Variants in ABCA9 observed in about 807,000 individuals in gnomAD.
The protein encoded by ABCA9 is ATP binding cassette subfamily A member 9.
A neutral mutation model predicts 205.3 loss-of-function variants in ABCA9; 183 were observed. The ratio of observed to expected loss-of-function variants is 0.89; its 90% CI spans 0.79 to 1.01. The LOEUF is 1.01. Ranked by LOEUF, ABCA9 falls within the 50% of genes least tolerant of loss-of-function variation. ABCA9 has a pLI of 0.00. For missense variants in ABCA9, 1,805 were observed against 1,912.4 expected (o/e 0.94, Z 1.05); for synonymous variants, 651 against 683.3 (o/e 0.95, Z 0.74).
At chr17:68,999,595 A>G (rs1190306230) in intron 25 of ABCA9, among the ~76,000 whole-genome samples, 1 of 149,138 alleles carries the variant, frequency 6.7e-6, no homozygotes, top group East Asian at 2.0e-4. Context: ...ATACGTGTGC[A>G]TGTGTCTTTA....
intron 4 of ABCA9, 69 bp downstream of exon 4, chr17:69,045,103 A>C (rs1040767053): frequency 7.4e-7 from 1 of 1,342,440 alleles, no homozygotes; most frequent in Non-Finnish European, 1.0e-6. Context: ...CACCTCTGCT[A>C]TCAGGTATGC....
At chr17:68,983,972 C>T (rs556198214) in intron 35 of ABCA9, 84 bp downstream of exon 35, 113 of 1,601,954 alleles carry the variant, frequency 7.1e-5, no homozygotes, top group African/African-American at 2.1e-4. Flanking sequence ...TAGCTCCTCA[C>T]GATGGGTAGC....
chr17:69,012,605 TGGGTACATAGTAGATGTATATATTTATG>T (rs1039235246), intron 22 of ABCA9, among the ~76,000 whole-genome samples: 1 of 152,048 alleles, frequency 6.6e-6, no homozygotes, highest in African/African-American at 2.4e-5. Context: ...TTAAAATTTG[TGGGTACATAGTAGATGTATATATTTATG>T]GGGTACATGA....
chr17:69,017,667 C>T lies in ABCA9; in HGVS notation c.2890G>A (p.Gly964Ser). 1 of 1,612,988 alleles carries T rather than the reference C, an allele frequency of 6.2e-7. No individual in the cohort carries two copies. The highest frequency in any genetic ancestry group is 8.5e-7 in the Non-Finnish European group (1 of 1,179,266). ...PSYNGAIIVS[G>S]DEKDHRFSIA... ...GGAGTCCAGCATACCTTTTCATCAC[C>T]TGACACAATGATAGCACCATTGTAA... Residue 964 changes from glycine to serine, a missense_variant, in exon 21 of 39, where the codon GGT becomes AGT. Coordinates refer to ENST00000340001, the MANE Select transcript of ABCA9 (RefSeq NM_080283.4).
intron 3 of ABCA9, among the ~76,000 whole-genome samples, chr17:69,045,564 A>T (rs2071682782): frequency 6.6e-6 from 1 of 152,064 alleles, no homozygotes; most frequent in African/African-American, 2.4e-5. Context: ...TTCCAAATAA[A>T]TCATTTAAAC....
intron 6 of ABCA9, among the ~76,000 whole-genome samples, chr17:69,040,452 G>C (rs1227871810): frequency 6.6e-6 from 1 of 152,150 alleles, no homozygotes; most frequent in Non-Finnish European, 1.5e-5. Context: ...ACTATCACAG[G>C]AACAGAACAC....
In ABCA9 at chr17:69,011,980, T is replaced by C; in HGVS notation, c.3143A>G (p.Tyr1048Cys). The change falls in exon 23 of 39, where the codon TAC (tyrosine) becomes TGC (cysteine). Residue 1048 changes from tyrosine (Y) to cysteine (C), a missense_variant. Physicochemically the swap from Tyr to Cys is radical, Grantham distance 194 (BLOSUM62 -2). Transcript: ENST00000340001. ...PYIAMSSIGD[Y>C]KKKAHSQLRI... The stretch of plus-strand genomic sequence containing the variant: ...GAAGACTTTAACTCTTCTTACTTTG[T>C]AGTCACCAATGCTGCTCATTGCAAT... 1.2e-6 allele frequency: 2 copies of C among 1,607,324 alleles called. No individual in the cohort carries two copies. The highest frequency in any genetic ancestry group is 1.7e-6 in the Non-Finnish European group (2 of 1,176,508).
In ABCA9 at chr17:69,017,766, G is replaced by A. The variant is rs374862326; in HGVS notation, c.2791C>T (p.His931Tyr). The change falls in exon 21 of 39, where the codon CAT becomes TAT. Residue 931 changes from histidine (H) to tyrosine (Y), a missense_variant. Physicochemically the swap from His to Tyr is moderately conservative, Grantham distance 83. Transcript: ENST00000340001. The stretch of plus-strand genomic sequence containing the variant: ...GCTATGTTCTGTCGCCTCAGTGAAT[G>A]TAAAAAGTTATCAATGGTTGACCCT... ...KTGSTIDNFLHSLRRQNIAIE... is the reference protein window; with the variant it reads ...KTGSTIDNFLYSLRRQNIAIE... The A allele has an allele frequency of 6.1e-5, 98 of 1,612,990 alleles. No individual in the cohort carries two copies. In the East Asian group the frequency reaches 1.8e-3, roughly 30 times the overall value.
Position 69,026,502 on chromosome 17 carries a change from A to G in ABCA9, c.2051-35T>C, listed in dbSNP as rs544062413. On this transcript the variant is annotated intron_variant, in intron 15 of 38. Coordinates refer to ENST00000340001, the MANE Select transcript of ABCA9 (RefSeq NM_080283.4). ...AATAATCAAAAGATAAGTTACATGA[A>G]GGACTTATTTCTTTACTATTCACAA... The G allele has an allele frequency of 3.5e-4, 537 of 1,527,958 alleles. 1 individual carries two copies. Among genetic ancestry groups the G allele is most frequent in the Non-Finnish European group, 1.1e-4 (120 of 1,104,630 alleles). The allele number at this position is 1,527,958 out of a possible 1,614,324, so 94.7% of individuals were successfully genotyped here. A position where few individuals can be genotyped will look rare whatever the true frequency, so the allele number is the denominator to read the frequency against.
chr17:69,060,109 G>A (rs1392922475), intron 1 of ABCA9, among the ~76,000 whole-genome samples: 1 of 152,180 alleles, frequency 6.6e-6, no homozygotes, highest in Non-Finnish European at 1.5e-5. Flanking sequence ...TGTCATGAAT[G>A]TGGTTATTTA....
intron 3 of ABCA9, among the ~76,000 whole-genome samples, chr17:69,046,007 G>A (rs1280245948): frequency 6.6e-6 from 1 of 152,084 alleles, no homozygotes; most frequent in African/African-American, 2.4e-5. Context: ...AATTCCAACG[G>A]TATTGGAAAT....
At chr17:69,013,991 A>ACAT (rs1469737169) in intron 22 of ABCA9, among the ~76,000 whole-genome samples, 1 of 152,164 alleles carries the variant, frequency 6.6e-6, no homozygotes, top group Non-Finnish European at 1.5e-5. Flanking sequence ...TGTAGTGAAG[A>ACAT]CATCTTTTTA....
rs1277858577 is a variant in ABCA9 at position 68,975,921 on chromosome 17, C to T, written c.4869G>A (p.Glu1623=). 5.0e-6 allele frequency: 8 copies of T among 1,611,154 alleles called. No homozygotes were observed. The highest frequency in any genetic ancestry group is 6.8e-6 in the Non-Finnish European group (8 of 1,178,392). ...ATATAGGGTATTTGGAGCTTTAAGG[C>T]TCTTCCTGCAGGAGGAGTTTCCACT... is the stretch of plus-strand genomic sequence containing the variant. The part of the protein sequence containing the change: ...SVKWKLLLQE[E]P The change falls in exon 39 of 39, where the codon GAG becomes GAA. Residue 1623 remains glutamate, a synonymous_variant. Coordinates refer to ENST00000340001, the MANE Select transcript of ABCA9 (RefSeq NM_080283.4).
upstream of ABCA9, among the ~76,000 whole-genome samples, chr17:69,063,682 C>T (rs993495227): frequency 6.6e-6 from 1 of 152,112 alleles, no homozygotes; most frequent in Non-Finnish European, 1.5e-5. Flanking sequence ...ATGCCATTCT[C>T]GTGCCTCAGC....
chr17:69,067,238 T>A, the ABCA9 span, among the ~76,000 whole-genome samples: 22 of 152,128 alleles, frequency 1.4e-4, no homozygotes, highest in African/African-American at 4.8e-4. Context: ...TAATATTTTT[T>A]AAATTTATAT....
At chr17:69,059,191 T>C (rs962194618) in intron 1 of ABCA9, among the ~76,000 whole-genome samples, 1 of 151,982 alleles carries the variant, frequency 6.6e-6, no homozygotes, top group Non-Finnish European at 1.5e-5. Flanking sequence ...TCACAAGGCA[T>C]AGTTGAAGAG....
At chr17:69,058,722 C>T (rs1206177730) in intron 1 of ABCA9, among the ~76,000 whole-genome samples, 3 of 151,980 alleles carry the variant, frequency 2.0e-5, no homozygotes, top group Non-Finnish European at 2.9e-5. Context: ...GCCCGTAATC[C>T]CAGCTCCTTG....
At chr17:69,069,487 C>T in the ABCA9 span, among the ~76,000 whole-genome samples, 1 of 152,022 alleles carries the variant, frequency 6.6e-6, no homozygotes, top group Non-Finnish European at 1.5e-5. Context: ...GAGGGTCTGA[C>T]CTCCCTTTCC....
rs867368764 is a variant in ABCA9, at chr17:68,992,249, G to A, written c.3642C>T (p.Leu1214=). 3.1e-6 allele frequency: 5 copies of A among 1,592,442 alleles called. No individual in the cohort carries two copies. Among genetic ancestry groups the A allele is most frequent in the Non-Finnish European group, 4.3e-6 (5 of 1,167,492 alleles). The part of the protein sequence containing the change: ...LALLIPYLHF[L]IFLFILRCLE... Reference sequence around the variant, plus strand: ...GGCATCGCAGAATGAAAAGAAAAATGAGAAAATGAAGGTAAGGCTAGGGAA... The same window carrying A: ...GGCATCGCAGAATGAAAAGAAAAATAAGAAAATGAAGGTAAGGCTAGGGAA... The change falls in exon 28 of 39, where the codon CTC becomes CTT. Residue 1214 remains leucine, a synonymous_variant. Transcript: ENST00000340001.
Sources: gnomAD v4.1 joint callset for allele counts (sites outside exome capture counted in the v4.1 genomes callset) on GRCh38, gnomAD v4.1.1 for gene constraint, MANE v1.5 for transcripts, NCBI Gene and HGNC (gene_info 2026-07-23, HGNC 2026-07-21) for gene names.